XRN1: variants seen among roughly 807,000 people sequenced by gnomAD.
XRN1 encodes the protein strand-exchange protein 1 homolog.
Under a neutral mutation model 222.3 loss-of-function variants are expected in XRN1, and 67 were observed. The ratio of observed to expected loss-of-function variants is 0.30; its 90% CI spans 0.25 to 0.37. XRN1 has a LOEUF of 0.37. Ranked by LOEUF, XRN1 falls within the 10% of genes least tolerant of loss-of-function variation. The pLI, the probability that XRN1 is intolerant of heterozygous loss-of-function variation, is 1.00. For missense variants in XRN1, 1,707 were observed against 2,000.2 expected (o/e 0.85, Z 2.80); for synonymous variants, 643 against 652.4 (o/e 0.99, Z 0.22).
intron 1 of XRN1, among the ~76,000 whole-genome samples, chr3:142,439,862 T>G (rs894522187): frequency 6.6e-6 from 1 of 152,120 alleles, no homozygotes; most frequent in East Asian, 1.9e-4. Flanking sequence ...TTGCTTCCAG[T>G]GCGGTCCGCA....
At chr3:142,368,035 T>C (rs2066873163) in intron 27 of XRN1, among the ~76,000 whole-genome samples, 1 of 150,620 alleles carries the variant, frequency 6.6e-6, no homozygotes, top group Non-Finnish European at 1.5e-5. Flanking sequence ...ATATGTATGA[T>C]CATATATATG....
intron 20 of XRN1, among the ~76,000 whole-genome samples, chr3:142,393,746 C>T (rs1363100226): frequency 2.6e-5 from 4 of 152,192 alleles, no homozygotes. Context: ...CTGATAACTT[C>T]CTCTTCATCC....
Position 142,447,722 on chromosome 3 carries a change from C to A in XRN1, c.75+148G>T. 1.0e-6 allele frequency: 1 copy of A among 975,094 alleles called. No homozygotes were observed. The allele number at this position is 975,094 out of a possible 1,614,324, so 60.4% of individuals were successfully genotyped here. A position where few individuals can be genotyped will look rare whatever the true frequency, so the allele number is the denominator to read the frequency against. On this transcript the variant is annotated intron_variant, in intron 1 of 40. Transcript: ENST00000392981. This position sits in a 1 kb window ranked among gnomAD's most constrained non-coding sequence, Gnocchi z 4.2. ...GCCCCTTTCGGCTCATCCGGGCGTC[C>A]TCAAACCTTCCGTCCCCCTCCCTAA...
chr3:142,424,141 G>C (rs371235065), intron 5 of XRN1, among the ~76,000 whole-genome samples: 1 of 151,918 alleles, frequency 6.6e-6, no homozygotes, highest in East Asian at 1.9e-4. Flanking sequence ...TGTTGCCCAG[G>C]CTGGAGCAGT....
rs770602171 is a variant in XRN1, at chr3:142,332,955, C to T, written c.4062+12G>A. 13 of 1,611,814 alleles carry T rather than the reference C, an allele frequency of 8.1e-6. No homozygotes were observed. In the East Asian group the frequency reaches 2.7e-4, roughly 33 times the overall value. On this transcript the variant is annotated intron_variant, in intron 35 of 40. Coordinates refer to ENST00000392981, the MANE Select transcript of XRN1 (RefSeq NM_001282857.2). Reference sequence around the variant, plus strand: ...AATTACCACAGTAAGAAAGTTCCTACAAAATACGAACCATGGCAAATGACT... The same window carrying T: ...AATTACCACAGTAAGAAAGTTCCTATAAAATACGAACCATGGCAAATGACT...
chr3:142,414,283 G>C lies in XRN1; in HGVS notation c.1445C>G (p.Pro482Arg). 2 of 1,580,818 alleles carry C rather than the reference G, an allele frequency of 1.3e-6. No individual in the cohort carries two copies. Among genetic ancestry groups the C allele is most frequent in the Middle Eastern group, 1.7e-4 (1 of 5,914 alleles). The change falls in exon 14 of 41, where the codon CCT becomes CGT. Residue 482 changes from proline to arginine, a missense_variant. By Grantham distance (103) the Pro-to-Arg change is moderately radical. This residue lies in a region of XRN1 where 1,234 missense variants were observed against 1,518.2 expected (regional missense o/e 0.81). Transcript: ENST00000392981. ...AGACAGGAAAGGTGCATAATGATAAGGATAATACCTATAAAACAAAACTGA... is the reference window on the plus strand; with the variant it reads ...AGACAGGAAAGGTGCATAATGATAACGATAATACCTATAAAACAAAACTGA... ...HGVQSWSWYY[P>R]YHYAPFLSDI...
rs777632878 is a variant in XRN1 at position 142,355,394 on chromosome 3, T to C, written c.3768+7A>G. ...ATTAATTGTCCATCAAAACAAGGAA[T>C]ACTAACCTTCTCTTGTATAGTTGGC... is the stretch of plus-strand genomic sequence containing the variant. On this transcript the variant is annotated splice_region_variant and intron_variant, in intron 32 of 40. Coordinates refer to ENST00000392981, the MANE Select transcript of XRN1 (RefSeq NM_001282857.2). The C allele has an allele frequency of 3.4e-6, 5 of 1,484,130 alleles. No homozygotes were observed. The highest frequency in any genetic ancestry group is 1.5e-5 in the South Asian group (1 of 68,132). The allele number at this position is 1,484,130 out of a possible 1,614,324, so 91.9% of individuals were successfully genotyped here.
chr3:142,398,215 G>T (rs1016933436), intron 19 of XRN1, among the ~76,000 whole-genome samples: 1 of 151,986 alleles, frequency 6.6e-6, no homozygotes, highest in African/African-American at 2.4e-5. Context: ...TGCACTTGGG[G>T]CGACAGAGCA....
chr3:142,363,344 A>AT (rs1016913759), intron 29 of XRN1, among the ~76,000 whole-genome samples: 5 of 151,578 alleles, frequency 3.3e-5, no homozygotes, highest in East Asian at 3.9e-4. Context: ...ATTAAATTAC[A>AT]TTTTTTTTCT....
intron 37 of XRN1, among the ~76,000 whole-genome samples, chr3:142,327,789 G>A (rs1301894960): frequency 6.6e-6 from 1 of 152,104 alleles, no homozygotes; most frequent in African/African-American, 2.4e-5. Flanking sequence ...TATGTACACT[G>A]CATACATTGC....
chr3:142,347,299 T>A lies in XRN1; in HGVS notation c.3812A>T (p.His1271Leu). The change falls in exon 33 of 41, where the codon CAT (histidine) becomes CTT (leucine). Residue 1271 changes from histidine (H) to leucine (L), a missense_variant. By Grantham distance (99) the His-to-Leu change is moderately conservative. Transcript: ENST00000392981. ...PQEISQVNQHHKSGFNDNSVK... is the reference protein window; with the variant it reads ...PQEISQVNQHLKSGFNDNSVK... ...ACTGTTGTCATTAAAGCCAGATTTA[T>A]GATGTTGATTTACTTGGCTTATTTC... 1 of 1,607,452 alleles carries A rather than the reference T, an allele frequency of 6.2e-7. No homozygotes were observed. The highest frequency in any genetic ancestry group is 8.5e-7 in the Non-Finnish European group (1 of 1,176,902).
At chr3:142,320,579 A>G (rs188659244) in intron 37 of XRN1, among the ~76,000 whole-genome samples, 69 of 152,002 alleles carry the variant, frequency 4.5e-4, no homozygotes, top group African/African-American at 1.6e-3. Flanking sequence ...CCATTTGTCT[A>G]TTTTTGTTTT....
In XRN1 at chr3:142,421,536, A is replaced by G. The variant is rs2069033968; in HGVS notation, c.975T>C (p.Ile325=). The G allele has an allele frequency of 2.5e-6, 4 of 1,608,032 alleles. No homozygotes were observed. The South Asian group carries it at 4.5e-5, about 18-fold the overall frequency. ...GTAAGTTGAGGTGCCCACTTTCATTAATATAACCTAAAAGAAACAAAAATT... is the reference window on the plus strand; with the variant it reads ...GTAAGTTGAGGTGCCCACTTTCATTGATATAACCTAAAAGAAACAAAAATT... ...VTILPELGGY[I]NESGHLNLPR... Residue 325 remains isoleucine, a synonymous_variant, in exon 9 of 41, where the codon ATT becomes ATC. Transcript: ENST00000392981.
At chr3:142,387,465 C>A (rs982447315) in intron 20 of XRN1, among the ~76,000 whole-genome samples, 1 of 152,092 alleles carries the variant, frequency 6.6e-6, no homozygotes, top group African/African-American at 2.4e-5. Flanking sequence ...GATTAATACA[C>A]CTATAATTCG....
At chr3:142,399,720 T>C (rs2068056722) in intron 19 of XRN1, among the ~76,000 whole-genome samples, 1 of 149,484 alleles carries the variant, frequency 6.7e-6, no homozygotes, top group Non-Finnish European at 1.5e-5. Flanking sequence ...TAAAATAACA[T>C]AATGGAGAGA....
At chr3:142,343,221 C>A (rs762108370) in intron 33 of XRN1, among the ~76,000 whole-genome samples, 1 of 151,806 alleles carries the variant, frequency 6.6e-6, no homozygotes, top group African/African-American at 2.4e-5. Context: ...TTTGGGAGGC[C>A]GAGGCATGTG....
In XRN1 at chr3:142,327,587, T is replaced by C. The variant is rs189813455; in HGVS notation, c.4404+1847A>G. On this transcript the variant is annotated intron_variant, in intron 37 of 40. Coordinates refer to ENST00000392981, the MANE Select transcript of XRN1 (RefSeq NM_001282857.2). ...TCTTTTGTACTATTTTTAGTATCAA[T>C]TCATTAATTTCTGCCCCAATCTTTA... is the stretch of plus-strand genomic sequence containing the variant. Among the ~76,000 whole-genome samples, 186 of 152,170 alleles carry C rather than the reference T, an allele frequency of 1.2e-3. 1 individual carries two copies. Among genetic ancestry groups the C allele is most frequent in the African/African-American group, 4.4e-3 (182 of 41,586 alleles).
chr3:142,409,080 C>T (rs1179755242), intron 15 of XRN1, among the ~76,000 whole-genome samples: 1 of 152,208 alleles, frequency 6.6e-6, no homozygotes, highest in Non-Finnish European at 1.5e-5. Flanking sequence ...TGGTTATATA[C>T]TCTGGATACC....
At chr3:142,441,374 A>G (rs1015934626) in intron 1 of XRN1, among the ~76,000 whole-genome samples, 1 of 152,260 alleles carries the variant, frequency 6.6e-6, no homozygotes, top group Non-Finnish European at 1.5e-5. Context: ...CAGGCCCTAA[A>G]GAAGGCCCTA....
Sources: allele counts gnomAD v4.1 joint callset (sites outside exome capture counted in the v4.1 genomes callset), GRCh38; gene constraint gnomAD v4.1.1; regional missense constraint gnomAD v4.1.1; non-coding constraint Gnocchi (gnomAD v3.1); transcripts MANE v1.5; gene names NCBI Gene and HGNC (gene_info 2026-07-23, HGNC 2026-07-21).